PTPRM: variants seen among roughly 807,000 people sequenced by gnomAD.
PTPRM encodes the protein protein tyrosine phosphatase receptor type M, also known as receptor-type tyrosine-protein phosphatase mu.
Under a neutral mutation model 186.7 loss-of-function variants are expected in PTPRM, and 47 were observed. That is an observed-to-expected ratio of 0.25 (90% confidence interval 0.20 to 0.32). The LOEUF is 0.32. Among genes scored for constraint, PTPRM ranks in the 10% least tolerant of loss-of-function variants. The pLI is 1.00. For synonymous variants in PTPRM, 668 were observed against 674.9 expected, an observed-to-expected ratio of 0.99 and a Z score of 0.16; for missense variants, 1,494 against 1,865.0, an observed-to-expected ratio of 0.80 and a Z score of 3.66.
At chr18:7,774,396 G>T in intron 2 of PTPRM, 125 bp downstream of exon 2, 1 of 1,209,636 alleles carries the variant, frequency 8.3e-7, no homozygotes, top group Non-Finnish European at 1.2e-6. Context: ...GTCAAAGTTG[G>T]ATTAGCTAGT....
In PTPRM at chr18:7,910,213, G is replaced by T. The variant is rs747738936; in HGVS notation, c.547+3630G>T. Reference sequence around the variant, plus strand: ...TAGTTTATTCACAGAGTATGTACCCGCGACCATAGTCAAATTTAAAATATC... The same window carrying T: ...TAGTTTATTCACAGAGTATGTACCCTCGACCATAGTCAAATTTAAAATATC... On this transcript the variant is annotated intron_variant, in intron 4 of 32. Transcript: ENST00000580170. Among the ~76,000 whole-genome samples, 5 of 152,064 alleles carry T rather than the reference G, an allele frequency of 3.3e-5. No individual in the cohort carries two copies. In the South Asian group the frequency reaches 6.2e-4, roughly 19 times the overall value.
chr18:7,849,510 G>A (rs2046763592), intron 2 of PTPRM, among the ~76,000 whole-genome samples: 1 of 152,190 alleles, frequency 6.6e-6, no homozygotes, highest in Non-Finnish European at 1.5e-5. Flanking sequence ...TCTTAAGTGG[G>A]GAATGAGGAG....
intron 5 of PTPRM, among the ~76,000 whole-genome samples, chr18:7,928,971 A>G (rs2146827510): frequency 6.6e-6 from 1 of 152,298 alleles, no homozygotes; most frequent in African/African-American, 2.4e-5. Flanking sequence ...AAGGGTCTAA[A>G]TGCAAAGTTA....
At chr18:8,167,645 C>T (rs1314317003) in intron 14 of PTPRM, among the ~76,000 whole-genome samples, 1 of 152,226 alleles carries the variant, frequency 6.6e-6, no homozygotes, top group Non-Finnish European at 1.5e-5. Flanking sequence ...TTGGAAGCAT[C>T]TGTGGTCCAA....
At chr18:7,834,992 C>CTTTTTTTTTTTTTTTTTTTTTTGTTT (rs57839485) in intron 2 of PTPRM, among the ~76,000 whole-genome samples, 1 of 85,268 alleles carries the variant, frequency 1.2e-5, no homozygotes, top group Non-Finnish European at 2.3e-5. Flanking sequence ...TTATTTGGAT[C>CTTTTTTTTTTTTTTTTTTTTTTGTTT]TTTTTTTTTT....
At chr18:7,581,860 A>G (rs1288036385) in intron 1 of PTPRM, among the ~76,000 whole-genome samples, 1 of 151,884 alleles carries the variant, frequency 6.6e-6, no homozygotes, top group Non-Finnish European at 1.5e-5. Context: ...ACTTCTCGTT[A>G]TGTTGCCCAG....
At chr18:7,913,816 A>T (rs2146643555) in intron 4 of PTPRM, among the ~76,000 whole-genome samples, 1 of 152,268 alleles carries the variant, frequency 6.6e-6, no homozygotes, top group East Asian at 1.9e-4. Context: ...TTAAAAACAA[A>T]ATAATACAGT....
At chr18:7,826,816 A>G (rs370771015) in intron 2 of PTPRM, among the ~76,000 whole-genome samples, 1 of 152,214 alleles carries the variant, frequency 6.6e-6, no homozygotes, top group East Asian at 1.9e-4. Flanking sequence ...ACTGTGGGCT[A>G]GATGCAGCGG....
chr18:8,174,769 G>C (rs893280869), intron 14 of PTPRM, among the ~76,000 whole-genome samples: 1 of 152,134 alleles, frequency 6.6e-6, no homozygotes, highest in Non-Finnish European at 1.5e-5. Flanking sequence ...TCATTCAAAA[G>C]AAGCCATTAA....
intron 11 of PTPRM, among the ~76,000 whole-genome samples, chr18:8,103,597 A>G (rs933382763): frequency 6.6e-6 from 1 of 152,212 alleles, no homozygotes; most frequent in East Asian, 1.9e-4. Flanking sequence ...TTAAGGGAAT[A>G]TCATGGCTGG....
chr18:8,240,777 GGAGAGAGA>G (rs747648655), intron 14 of PTPRM, among the ~76,000 whole-genome samples: 11 of 57,346 alleles, frequency 1.9e-4, no homozygotes, highest in South Asian at 8.0e-4. Flanking sequence ...AGAGAGAGAG[GGAGAGAGA>G]GAGAGAGAGA....
intron 24 of PTPRM, 58 bp downstream of exon 24, chr18:8,371,064 C>A: frequency 9.8e-7 from 1 of 1,018,004 alleles, no homozygotes; most frequent in Non-Finnish European, 1.5e-6. Flanking sequence ...ACCATACTAG[C>A]CTCATTAACT....
intron 1 of PTPRM, among the ~76,000 whole-genome samples, chr18:7,654,598 A>G (rs2038804497): frequency 6.6e-6 from 1 of 152,148 alleles, no homozygotes; most frequent in African/African-American, 2.4e-5. Flanking sequence ...TTTTACGTTT[A>G]AAGTCTTTAA....
At chr18:8,306,319 A>T (rs1274143327) in intron 20 of PTPRM, among the ~76,000 whole-genome samples, 1 of 152,162 alleles carries the variant, frequency 6.6e-6, no homozygotes, top group Non-Finnish European at 1.5e-5. Context: ...CCCTTTTTAC[A>T]GATGAAGCTC....
chr18:7,614,382 C>G (rs2037752105), intron 1 of PTPRM, among the ~76,000 whole-genome samples: 1 of 152,074 alleles, frequency 6.6e-6, no homozygotes, highest in Admixed American at 6.5e-5. Flanking sequence ...GATCAAACAT[C>G]ATTTAGAAGC....
chr18:8,126,298 G>A (rs972500848), intron 13 of PTPRM, among the ~76,000 whole-genome samples: 2 of 151,138 alleles, frequency 1.3e-5, no homozygotes, highest in African/African-American at 4.9e-5. Flanking sequence ...GGTTTATTTT[G>A]TCTTCTTTTG....
intron 1 of PTPRM, among the ~76,000 whole-genome samples, chr18:7,740,669 C>T (rs1390649757): frequency 6.6e-6 from 1 of 152,186 alleles, no homozygotes. Flanking sequence ...ATCCTCCTGT[C>T]TTGGCCTCCC....
At chr18:7,808,799 T>G (rs2044363166) in intron 2 of PTPRM, among the ~76,000 whole-genome samples, 1 of 152,212 alleles carries the variant, frequency 6.6e-6, no homozygotes, top group African/African-American at 2.4e-5. Context: ...TTTTATTAGC[T>G]TATTGGTATT....
intron 7 of PTPRM, among the ~76,000 whole-genome samples, chr18:8,013,293 A>G (rs7234055): frequency 0.65 from 99,004 of 151,996 alleles, 32,592 homozygotes; most frequent in African/African-American, 0.74. Flanking sequence ...CTGGGGAACC[A>G]CAGTTGAAAA....
Sources: allele counts gnomAD v4.1 joint callset (sites outside exome capture counted in the v4.1 genomes callset), GRCh38; gene constraint gnomAD v4.1.1; transcripts MANE v1.5; gene names NCBI Gene and HGNC (gene_info 2026-07-23, HGNC 2026-07-21).